The following KANK1 variants were observed in gnomAD, a reference collection of about 807,000 sequenced individuals.
The protein encoded by KANK1 is KN motif and ankyrin repeat domain-containing protein 1.
A neutral mutation model predicts 106.2 loss-of-function variants in KANK1; 109 were observed. That is an observed-to-expected ratio of 1.03 (90% confidence interval 0.88 to 1.20). KANK1 has a LOEUF of 1.20. Among genes scored for constraint, KANK1 ranks in the 50% most tolerant of loss-of-function variants. KANK1 has a pLI of 0.00. For synonymous variants in KANK1, 873 were observed against 652.2 expected (o/e 1.34, Z -5.16); for missense variants, 2,399 against 1,710.7 (o/e 1.40, Z -7.10).
intron 1 of KANK1, among the ~76,000 whole-genome samples, chr9:541,351 T>G (rs2133838705): frequency 6.6e-6 from 1 of 152,266 alleles, no homozygotes; most frequent in African/African-American, 2.4e-5. Context: ...CAATAAATGG[T>G]GTTGGAAAAA....
intron 2 of KANK1, among the ~76,000 whole-genome samples, chr9:678,762 C>T (rs960033240): frequency 2.0e-5 from 3 of 151,980 alleles, no homozygotes; most frequent in Non-Finnish European, 4.4e-5. Flanking sequence ...ATGACTTTCT[C>T]CAGTAAAATA....
At chr9:652,898 GCC>G (rs1212542079) in intron 1 of KANK1, among the ~76,000 whole-genome samples, 1 of 152,200 alleles carries the variant, frequency 6.6e-6, no homozygotes, top group African/African-American at 2.4e-5. Context: ...GGAAAAAGTA[GCC>G]ACCCTGGGAG....
chr9:625,321 G>A (rs1346333645), intron 1 of KANK1, among the ~76,000 whole-genome samples: 1 of 152,204 alleles, frequency 6.6e-6, no homozygotes, highest in African/African-American at 2.4e-5. Context: ...GCCAGAGGTT[G>A]AGAATAGGAA....
At chr9:639,162 C>G (rs1056523798) in intron 1 of KANK1, among the ~76,000 whole-genome samples, 1 of 152,134 alleles carries the variant, frequency 6.6e-6, no homozygotes, top group South Asian at 2.1e-4. Context: ...CTCTTCAAAG[C>G]TGTCATTTTA....
chr9:722,685 C>G (rs896160630), intron 3 of KANK1, among the ~76,000 whole-genome samples: 1 of 152,196 alleles, frequency 6.6e-6, no homozygotes, highest in East Asian at 1.9e-4. Flanking sequence ...TATAGGTGAC[C>G]AATTCCCTCT....
At chr9:498,930 C>A (rs2058501707) in intron 3 of KANK1, among the ~76,000 whole-genome samples, 1 of 152,162 alleles carries the variant, frequency 6.6e-6, no homozygotes, top group Non-Finnish European at 1.5e-5. Context: ...TTAATCCCAG[C>A]ACTTTGGGAG....
chr9:614,438 G>A (rs1424097782), intron 1 of KANK1, among the ~76,000 whole-genome samples: 1 of 152,120 alleles, frequency 6.6e-6, no homozygotes, highest in African/African-American at 2.4e-5. Context: ...CTGGCATAAA[G>A]TTAATGGTAT....
chr9:710,378 G>A (rs1386827654), intron 2 of KANK1, among the ~76,000 whole-genome samples: 1 of 152,050 alleles, frequency 6.6e-6, no homozygotes, highest in Non-Finnish European at 1.5e-5. Context: ...AGCACTTTGG[G>A]AGGCCAGGTT....
chr9:711,745 G>T lies in KANK1; in HGVS notation c.979G>T (p.Gly327Trp). 1 of 1,614,196 alleles carries T rather than the reference G, an allele frequency of 6.2e-7. No homozygotes were observed. The highest frequency in any genetic ancestry group is 1.1e-5 in the South Asian group (1 of 91,082). The change falls in exon 3 of 12, where the codon GGG becomes TGG. Residue 327 changes from glycine (G) to tryptophan (W), a missense_variant. Physicochemically the swap from Gly to Trp is radical, Grantham distance 184 (BLOSUM62 -2). Transcript: ENST00000382297. ...TGTGAGGAAGCGGTCCTATAGTGCG[G>T]GGAACGCCTCCCAGCTGGAACAGCT... ...CGVRKRSYSA[G>W]NASQLEQLSR...
At chr9:575,066 C>T (rs1820189588) in intron 1 of KANK1, among the ~76,000 whole-genome samples, 1 of 152,080 alleles carries the variant, frequency 6.6e-6, no homozygotes. Flanking sequence ...GAAAAAGATC[C>T]TGGGCTTCTC....
chr9:702,091 C>G (rs1207949504), intron 2 of KANK1, among the ~76,000 whole-genome samples: 1 of 152,140 alleles, frequency 6.6e-6, no homozygotes, highest in Non-Finnish European at 1.5e-5. Flanking sequence ...GGAATTTGGT[C>G]TGAACTTGGA....
chr9:599,148 A>G (rs1473887391), intron 1 of KANK1, among the ~76,000 whole-genome samples: 2 of 150,326 alleles, frequency 1.3e-5, no homozygotes, highest in South Asian at 2.1e-4. Flanking sequence ...CCTCCTGAGT[A>G]GCTGGGATTA....
At chr9:587,434 T>G (rs1008421329) in intron 1 of KANK1, among the ~76,000 whole-genome samples, 2 of 152,194 alleles carry the variant, frequency 1.3e-5, no homozygotes, top group Non-Finnish European at 2.9e-5. Context: ...CTAGGGAAAC[T>G]TGATACATCA....
chr9:514,581 A>G (rs1050597867), intron 1 of KANK1, among the ~76,000 whole-genome samples: 1 of 151,370 alleles, frequency 6.6e-6, no homozygotes, highest in Non-Finnish European at 1.5e-5. Flanking sequence ...TTTCGTGTCT[A>G]GCTTCTCTCC....
intron 3 of KANK1, among the ~76,000 whole-genome samples, chr9:492,564 C>T (rs909400647): frequency 6.6e-6 from 1 of 152,124 alleles, no homozygotes; most frequent in Non-Finnish European, 1.5e-5. Flanking sequence ...TCTCACATCA[C>T]ATGCTTAACA....
chr9:633,217 A>G (rs1836207369), intron 1 of KANK1, among the ~76,000 whole-genome samples: 2 of 152,074 alleles, frequency 1.3e-5, no homozygotes, highest in Admixed American at 6.5e-5. Context: ...CAGCACTTTG[A>G]GAGCCGAGGC....
chr9:707,505 A>T (rs1824715760), intron 2 of KANK1, among the ~76,000 whole-genome samples: 2 of 147,074 alleles, frequency 1.4e-5, no homozygotes, highest in South Asian at 4.5e-4. Context: ...TGGCTGCTGC[A>T]GCTTCTCTCC....
intron 3 of KANK1, among the ~76,000 whole-genome samples, chr9:718,857 A>G: frequency 6.6e-6 from 1 of 151,350 alleles, no homozygotes; most frequent in East Asian, 1.9e-4. Flanking sequence ...ACAAAGTAGT[A>G]TGTACCAAAA....
chr9:508,986 G>A (rs1457162463), intron 1 of KANK1, among the ~76,000 whole-genome samples: 1 of 152,212 alleles, frequency 6.6e-6, no homozygotes, highest in Non-Finnish European at 1.5e-5. Flanking sequence ...GATTTCTGAA[G>A]TGGTTGTAGA....
Sources: gnomAD v4.1 joint callset for allele counts (sites outside exome capture counted in the v4.1 genomes callset) on GRCh38, gnomAD v4.1.1 for gene constraint, MANE v1.5 for transcripts, NCBI Gene and HGNC (gene_info 2026-07-23, HGNC 2026-07-21) for gene names.